Variants in CSMD1 observed in about 807,000 individuals in gnomAD.
The protein encoded by CSMD1 is CUB and sushi domain-containing protein 1.
CSMD1 carries 213 observed loss-of-function variants against 417.5 expected under a neutral mutation model. That is an observed-to-expected ratio of 0.51 (90% confidence interval 0.46 to 0.57). CSMD1 has a LOEUF of 0.57. Ranked by LOEUF, CSMD1 falls within the 20% of genes least tolerant of loss-of-function variation. The probability of loss-of-function intolerance (pLI) is 0.00; values close to 1 mark genes in which losing one functional copy is unlikely to be tolerated. For missense variants in CSMD1, 6,923 were observed against 4,529.7 expected (o/e 1.53, Z -15.17); for synonymous variants, 2,862 against 1,736.8 (o/e 1.65, Z -16.11).
At chr8:4,920,256 T>C (rs1240906344) in intron 1 of CSMD1, among the ~76,000 whole-genome samples, 1 of 152,156 alleles carries the variant, frequency 6.6e-6, no homozygotes, top group African/African-American at 2.4e-5. Flanking sequence ...CTAGAAAGTA[T>C]TATACTTATG....
intron 1 of CSMD1, among the ~76,000 whole-genome samples, chr8:4,772,464 G>C (rs1250754451): frequency 6.6e-6 from 1 of 152,138 alleles, no homozygotes; most frequent in East Asian, 1.9e-4. Context: ...TATCATGAGC[G>C]TCATCCGGTC....
At chr8:4,277,315 C>G (rs184029204) in intron 3 of CSMD1, among the ~76,000 whole-genome samples, 37 of 151,966 alleles carry the variant, frequency 2.4e-4, no homozygotes, top group Non-Finnish European at 4.4e-4. Context: ...CTGAAGGGAA[C>G]GGGACTGACT....
chr8:3,475,291 T>A (rs1459295099), intron 11 of CSMD1, among the ~76,000 whole-genome samples: 1 of 152,178 alleles, frequency 6.6e-6, no homozygotes, highest in Non-Finnish European at 1.5e-5. Context: ...GCTCTCTGGG[T>A]GCAATTTTAT....
At chr8:4,798,778 A>G (rs1310636667) in intron 1 of CSMD1, among the ~76,000 whole-genome samples, 1 of 152,256 alleles carries the variant, frequency 6.6e-6, no homozygotes, top group African/African-American at 2.4e-5. Flanking sequence ...CCTCATTAGT[A>G]GAACTTCAAA....
chr8:4,351,776 C>A (rs1029058425), intron 3 of CSMD1, among the ~76,000 whole-genome samples: 1 of 152,076 alleles, frequency 6.6e-6, no homozygotes, highest in Non-Finnish European at 1.5e-5. Flanking sequence ...GAAATTGCCA[C>A]TTATTTTGTG....
intron 7 of CSMD1, among the ~76,000 whole-genome samples, chr8:3,653,848 T>C (rs981795895): frequency 2.0e-5 from 3 of 152,230 alleles, no homozygotes; most frequent in Non-Finnish European, 4.4e-5. Context: ...TATATTTATC[T>C]TCATTTACAT....
intron 1 of CSMD1, among the ~76,000 whole-genome samples, chr8:4,847,151 CCACTCTCTCGTAAGT>C (rs1017381422): frequency 2.6e-5 from 4 of 152,108 alleles, no homozygotes; most frequent in Non-Finnish European, 4.4e-5. Context: ...TTTCTGAATG[CCACTCTCTCGTAAGT>C]CACTCTCTTT....
chr8:4,520,838 G>A (rs59784819), intron 2 of CSMD1, among the ~76,000 whole-genome samples: 1 of 152,098 alleles, frequency 6.6e-6, no homozygotes, highest in Non-Finnish European at 1.5e-5. Context: ...GTATATACCA[G>A]GTTTCTAAGA....
intron 2 of CSMD1, among the ~76,000 whole-genome samples, chr8:4,629,569 C>A (rs761883270): frequency 6.6e-6 from 1 of 152,024 alleles, no homozygotes; most frequent in Non-Finnish European, 1.5e-5. Context: ...TTGTCGTTTG[C>A]CTTTTGAATG....
chr8:4,759,737 C>A (rs1231511013), intron 1 of CSMD1, among the ~76,000 whole-genome samples: 2 of 152,172 alleles, frequency 1.3e-5, no homozygotes, highest in African/African-American at 4.8e-5. Flanking sequence ...CTGAAAAAGA[C>A]AAGATCTCAT....
chr8:4,986,181 G>C (rs1811170601), intron 1 of CSMD1, among the ~76,000 whole-genome samples: 2 of 152,310 alleles, frequency 1.3e-5, no homozygotes, highest in South Asian at 4.1e-4. Flanking sequence ...TCTAACTTCA[G>C]TGGAATCCAC....
At chr8:4,595,111 G>C (rs958482307) in intron 2 of CSMD1, among the ~76,000 whole-genome samples, 8 of 152,060 alleles carry the variant, frequency 5.3e-5, no homozygotes, top group Non-Finnish European at 1.0e-4. Context: ...AATTTTAAAA[G>C]CTTGGGGAAT....
chr8:4,487,686 C>G (rs1192924559), intron 2 of CSMD1, among the ~76,000 whole-genome samples: 2 of 151,986 alleles, frequency 1.3e-5, no homozygotes, highest in Admixed American at 1.3e-4. Context: ...ATAATTAAGT[C>G]CATTTAAAAA....
intron 5 of CSMD1, among the ~76,000 whole-genome samples, chr8:3,926,351 T>A (rs1330865702): frequency 1.3e-5 from 2 of 152,124 alleles, no homozygotes; most frequent in Non-Finnish European, 2.9e-5. Flanking sequence ...TATCTTATCT[T>A]ATTTTATGTT....
At chr8:3,588,862 G>C (rs1026232220) in intron 8 of CSMD1, among the ~76,000 whole-genome samples, 5 of 152,022 alleles carry the variant, frequency 3.3e-5, no homozygotes, top group African/African-American at 1.2e-4. Context: ...CAAATACAAA[G>C]AACTCAAACA....
intron 31 of CSMD1, among the ~76,000 whole-genome samples, chr8:3,203,047 C>G (rs1350611810): frequency 1.3e-5 from 2 of 152,120 alleles, no homozygotes; most frequent in Non-Finnish European, 2.9e-5. Flanking sequence ...AGGCCCAAAA[C>G]TTGGGTCACA....
At chr8:4,694,340 A>T (rs557584331) in intron 1 of CSMD1, among the ~76,000 whole-genome samples, 1 of 151,924 alleles carries the variant, frequency 6.6e-6, no homozygotes, top group South Asian at 2.1e-4. Context: ...AAACCAAAGT[A>T]CTTCTTTTTT....
At chr8:2,957,664 C>T (rs370261882) in intron 63 of CSMD1, 32 bp downstream of exon 63, 1 of 1,319,644 alleles carries the variant, frequency 7.6e-7, no homozygotes, top group Non-Finnish European at 1.1e-6. Context: ...AAATAGGTGA[C>T]TTGTGATGGG....
chr8:4,647,189 G>T (rs79362510), intron 1 of CSMD1, among the ~76,000 whole-genome samples: 3,206 of 151,358 alleles, frequency 0.021, 50 homozygotes, highest in South Asian at 0.054. Context: ...AGGCCACTGG[G>T]CCATACGTAA....
Sources: allele counts gnomAD v4.1 joint callset (sites outside exome capture counted in the v4.1 genomes callset), GRCh38; gene constraint gnomAD v4.1.1; transcripts MANE v1.5; gene names NCBI Gene and HGNC (gene_info 2026-07-23, HGNC 2026-07-21).